AXDND1: variants seen among roughly 807,000 people sequenced by gnomAD.
AXDND1 encodes axonemal dynein light chain domain-containing protein 1.
A neutral mutation model predicts 137.5 loss-of-function variants in AXDND1; 110 were observed. That is an observed-to-expected ratio of 0.80 (90% CI 0.69 to 0.94). AXDND1 has a LOEUF of 0.94. AXDND1 is among the 40% of genes least tolerant of loss of function. AXDND1 has a pLI of 0.00. For synonymous variants in AXDND1, 414 were observed against 399.7 expected (o/e 1.04, Z -0.43); for missense variants, 1,191 against 1,169.8 (o/e 1.02, Z -0.26).
rs1342744739 is a variant in AXDND1 at position 179,514,884 on chromosome 1, C to T, written c.2496+5481C>T. Among the ~76,000 whole-genome samples the T allele has an allele frequency of 4.6e-5, 7 of 152,136 alleles. No homozygotes were observed. In the East Asian group the frequency reaches 1.3e-3, roughly 29 times the overall value. ...TTTGTCTGATATAAGAATAGCTACC[C>T]CTGCTCGCTTTTGGTGTCCATTTGC... On this transcript the variant is annotated intron_variant, in intron 21 of 25. Transcript: ENST00000367618.
intron 4 of AXDND1, among the ~76,000 whole-genome samples, chr1:179,373,127 T>A (rs1051131291): frequency 3.3e-5 from 5 of 152,178 alleles, no homozygotes; most frequent in African/African-American, 1.2e-4. Flanking sequence ...ACACATGAAT[T>A]TCTAAGGGAC....
intron 9 of AXDND1, among the ~76,000 whole-genome samples, chr1:179,386,536 G>A (rs553514907): frequency 8.6e-5 from 13 of 151,988 alleles, no homozygotes; most frequent in Non-Finnish European, 1.3e-4. Context: ...CCTCTTTTGA[G>A]GGAATTTGTT....
chr1:179,485,749 G>GAC (rs1665963981), intron 18 of AXDND1, among the ~76,000 whole-genome samples: 1 of 151,944 alleles, frequency 6.6e-6, no homozygotes, highest in African/African-American at 2.4e-5. Flanking sequence ...CAACGTACAA[G>GAC]AAAGTTGAAA....
At chr1:179,395,872 A>G (rs1650970360) in intron 11 of AXDND1, among the ~76,000 whole-genome samples, 1 of 152,126 alleles carries the variant, frequency 6.6e-6, no homozygotes, top group South Asian at 2.1e-4. Flanking sequence ...TTTTATAGAA[A>G]TATTTGGAGA....
chr1:179,437,914 G>A (rs940010232), intron 15 of AXDND1, among the ~76,000 whole-genome samples: 2 of 152,158 alleles, frequency 1.3e-5, no homozygotes, highest in African/African-American at 2.4e-5. Context: ...CACTTTGGGA[G>A]GCTGAGGTGG....
At chr1:179,376,727 T>A (rs997266560) in intron 4 of AXDND1, among the ~76,000 whole-genome samples, 4 of 152,186 alleles carry the variant, frequency 2.6e-5, no homozygotes, top group African/African-American at 9.7e-5. Flanking sequence ...TACTTTTCTT[T>A]GGTTTGCGAA....
Position 179,485,905 on chromosome 1 carries a change from G to A in AXDND1, c.2091+2684G>A, listed in dbSNP as rs1665981907. 2.0e-5 allele frequency among the ~76,000 whole-genome samples: 3 copies of A among 152,076 alleles called. No individual in the cohort carries two copies. In the South Asian group the frequency reaches 6.3e-4, roughly 32 times the overall value. On this transcript the variant is annotated intron_variant, in intron 18 of 25. Coordinates refer to ENST00000367618, the MANE Select transcript of AXDND1 (RefSeq NM_144696.6). ...GGCTGAGGTGGGTGGATCGACTGAG[G>A]TCAGGAGTTCGAGACCAGCCTGGCC...
intron 12 of AXDND1, among the ~76,000 whole-genome samples, chr1:179,428,138 C>T (rs779325506): frequency 2.0e-5 from 3 of 152,128 alleles, no homozygotes; most frequent in Non-Finnish European, 4.4e-5. Context: ...GTGTTCCATT[C>T]TGATGCAGAA....
At chr1:179,434,438 A>T (rs1657840980) in intron 15 of AXDND1, among the ~76,000 whole-genome samples, 1 of 152,232 alleles carries the variant, frequency 6.6e-6, no homozygotes, top group East Asian at 1.9e-4. Flanking sequence ...ATGAACATTG[A>T]TGCGAAAATC....
At chr1:179,502,234 A>G (rs1232424766) in intron 20 of AXDND1, among the ~76,000 whole-genome samples, 3 of 152,208 alleles carry the variant, frequency 2.0e-5, no homozygotes, top group Non-Finnish European at 4.4e-5. Context: ...GGGAAATACA[A>G]ACTAATATCA....
chr1:179,543,733 C>T (rs1421817663), intron 25 of AXDND1: 1 of 152,160 alleles, frequency 6.6e-6, no homozygotes, highest in Admixed American at 6.5e-5. Context: ...AGAACTCAAA[C>T]AGTTAAATGA....
intron 23 of AXDND1, among the ~76,000 whole-genome samples, chr1:179,530,959 G>A (rs1038778951): frequency 1.3e-5 from 2 of 152,168 alleles, no homozygotes; most frequent in African/African-American, 4.8e-5. Context: ...CATGAAGCTG[G>A]CCACACCACG....
In AXDND1 at chr1:179,549,864, C is replaced by T. The variant is rs148173458; in HGVS notation, c.3032-4648C>T. On this transcript the variant is annotated intron_variant, in intron 25 of 25. Coordinates refer to ENST00000367618, the MANE Select transcript of AXDND1 (RefSeq NM_144696.6). ...GGCTAAACCACCTATGATCATGCCC[C>T]GGCTGGTCCATGAAAGCAAGCTCCA... is the stretch of plus-strand genomic sequence containing the variant. 1.1e-3 allele frequency among the ~76,000 whole-genome samples: 173 copies of T among 152,164 alleles called. 2 individuals carry two copies. The highest frequency in any genetic ancestry group is 4.0e-3 in the African/African-American group (167 of 41,530).
chr1:179,532,681 A>G (rs1448177321), intron 23 of AXDND1, among the ~76,000 whole-genome samples: 2 of 152,034 alleles, frequency 1.3e-5, no homozygotes. Context: ...CCAAGAGTTC[A>G]AGACCAGCCT....
At chr1:179,393,019 T>C (rs556162559) in intron 9 of AXDND1, among the ~76,000 whole-genome samples, 1 of 152,366 alleles carries the variant, frequency 6.6e-6, no homozygotes, top group Admixed American at 6.5e-5. Context: ...CATTTGCTTT[T>C]GGGTTCTTGG....
intron 17 of AXDND1, among the ~76,000 whole-genome samples, chr1:179,480,791 A>T (rs1273066034): frequency 6.6e-6 from 1 of 151,944 alleles, no homozygotes; most frequent in Non-Finnish European, 1.5e-5. Context: ...GGGTATGCCC[A>T]CTGTCACCCT....
chr1:179,379,633 A>G, intron 6 of AXDND1, 151 bp downstream of exon 6: 1 of 982,518 alleles, frequency 1.0e-6, no homozygotes, highest in Non-Finnish European at 1.4e-6. Flanking sequence ...GTCTCTACAG[A>G]AAATACAAAA....
chr1:179,474,690 C>A (rs1374565464), intron 17 of AXDND1, among the ~76,000 whole-genome samples: 2 of 152,018 alleles, frequency 1.3e-5, no homozygotes, highest in African/African-American at 4.8e-5. Flanking sequence ...GGAAGCAGAG[C>A]ATAAAAGTTT....
chr1:179,470,362 G>C (rs1435048006), intron 17 of AXDND1, among the ~76,000 whole-genome samples: 2 of 152,076 alleles, frequency 1.3e-5, no homozygotes, highest in Admixed American at 1.3e-4. Flanking sequence ...CATTAACTAG[G>C]ATTCTGAAAA....
Sources: gnomAD v4.1 joint callset for allele counts (sites outside exome capture counted in the v4.1 genomes callset) on GRCh38, gnomAD v4.1.1 for gene constraint, MANE v1.5 for transcripts, NCBI Gene and HGNC (gene_info 2026-07-23, HGNC 2026-07-21) for gene names.